The following PUDP variants were observed in gnomAD, a reference collection of about 807,000 sequenced individuals.
The protein encoded by PUDP is pseudouridine-5'-phosphatase.
In PUDP, 8 loss-of-function variants were observed where a neutral mutation model predicts 9.4. The ratio of observed to expected loss-of-function variants is 0.85; its 90% confidence interval spans 0.50 to 1.53. PUDP has a LOEUF of 1.53. PUDP is among the 40% of genes most tolerant of loss of function. PUDP has a pLI of 0.00. For synonymous variants in PUDP, 99 were observed against 80.7 expected (o/e 1.23, Z -1.22); for missense variants, 188 against 189.7 (o/e 0.99, Z 0.05).
chrX:6,782,624 C>A (rs1044512062), intron 3 of PUDP, among the ~76,000 whole-genome samples: 2 of 111,485 alleles, frequency 1.8e-5, no homozygotes, highest in Non-Finnish European at 3.8e-5. Flanking sequence ...TCTGACAATA[C>A]TCTGGGCACA....
chrX:6,925,832 G>A (rs1313762023), intron 3 of PUDP, among the ~76,000 whole-genome samples: 1 of 111,718 alleles, frequency 9.0e-6, no homozygotes, highest in African/African-American at 3.3e-5. Context: ...CCTGGAGTGA[G>A]CAGAAAGGGA....
At chrX:7,012,353 A>T (rs1009390320) in intron 1 of PUDP, among the ~76,000 whole-genome samples, 4 of 112,465 alleles carry the variant, frequency 3.6e-5, no homozygotes, top group African/African-American at 1.3e-4. Context: ...GAAACTAACA[A>T]GCATTTCTCT....
chrX:7,081,797 CAAG>C (rs752034584), intron 2 of PUDP, among the ~76,000 whole-genome samples: 1 of 112,877 alleles, frequency 8.9e-6, no homozygotes, highest in Non-Finnish European at 1.9e-5. Context: ...AATTAATTCA[CAAG>C]AAGAACAATG....
At chrX:7,027,715 TTATATAGACTACATTATAGTCTA>T (rs1164277320) in intron 1 of PUDP, among the ~76,000 whole-genome samples, 2 of 98,627 alleles carry the variant, frequency 2.0e-5, no homozygotes, top group Non-Finnish European at 4.0e-5. Context: ...GTTATTCTAT[TTATATAGACTACATTATAGTCTA>T]TATATAGACT....
At position 7,125,852 on chromosome X, in the gene PUDP, C is replaced by T. The variant is rs148262338; in HGVS notation, c.62-20014G>A. Among the ~76,000 whole-genome samples the T allele has an allele frequency of 9.7e-3, 1,070 of 110,342 alleles. 15 individuals carry two copies. The highest frequency in any genetic ancestry group is 0.033 in the African/African-American group (1,003 of 30,306). On this transcript the variant is annotated intron_variant, in intron 1 of 3. Transcript: ENST00000381077. ...TATCACGAGAACAGCACGGGAAAGA[C>T]CTGCCCCCATGATTCAATTACCTCC...
chrX:7,140,634 C>G (rs1474140078), intron 1 of PUDP, among the ~76,000 whole-genome samples: 1 of 111,327 alleles, frequency 9.0e-6, no homozygotes, highest in Non-Finnish European at 1.9e-5. Flanking sequence ...CAAATAATCT[C>G]TAATATATAG....
rs771780143 is a variant in PUDP at position 7,024,723 on chromosome X, A to T, written c.205-46380T>A. ...TACCTCAGCCTCCCAAGTAACTGGG[A>T]CTACAGGCGCTCGCCACCTCGCCCG... On this transcript the variant is annotated intron_variant and NMD_transcript_variant, in intron 1 of 3. Transcript: ENST00000655425. Among the ~76,000 whole-genome samples, 194 of 94,866 alleles carry T rather than the reference A, an allele frequency of 2.0e-3. 1 individual carries two copies. Among genetic ancestry groups the T allele is most frequent in the African/African-American group, 6.9e-3 (176 of 25,438 alleles). The allele number at this position is 94,866 out of a possible 115,157, so 82.4% of individuals were successfully genotyped here.
At chrX:6,829,469 G>A (rs1926473475) in intron 3 of PUDP, among the ~76,000 whole-genome samples, 1 of 111,624 alleles carries the variant, frequency 9.0e-6, no homozygotes, top group Non-Finnish European at 1.9e-5. Context: ...TTCCAAAGTG[G>A]CTGTTCCATT....
chrX:6,866,979 G>A (rs1927096950), intron 3 of PUDP, among the ~76,000 whole-genome samples: 1 of 111,450 alleles, frequency 9.0e-6, no homozygotes, highest in African/African-American at 3.3e-5. Flanking sequence ...GGGTCAGGTT[G>A]AGAGGATGGG....
At chrX:7,130,903 A>C (rs1485719893) in intron 1 of PUDP, among the ~76,000 whole-genome samples, 1 of 111,691 alleles carries the variant, frequency 9.0e-6, no homozygotes, top group Non-Finnish European at 1.9e-5. Flanking sequence ...AATAATAATA[A>C]AAGTAAAAAC....
At chrX:6,963,426 T>G (rs1189873553) in intron 3 of PUDP, among the ~76,000 whole-genome samples, 1 of 111,295 alleles carries the variant, frequency 9.0e-6, no homozygotes, top group African/African-American at 3.3e-5. Context: ...GAATGCCCTG[T>G]GGGATTGAGC....
At chrX:6,824,105 G>A (rs1037854740) in intron 3 of PUDP, among the ~76,000 whole-genome samples, 1 of 111,406 alleles carries the variant, frequency 9.0e-6, no homozygotes, top group Non-Finnish European at 1.9e-5. Context: ...TTGTGGGAGG[G>A]ACCCATTTGG....
chrX:7,002,992 T>C (rs1929348331), intron 1 of PUDP, among the ~76,000 whole-genome samples: 1 of 110,174 alleles, frequency 9.1e-6, no homozygotes, highest in South Asian at 4.0e-4. Flanking sequence ...GTCCACATAT[T>C]CAGGTAGGGA....
intron 1 of PUDP, among the ~76,000 whole-genome samples, chrX:6,720,574 A>C (rs1239334577): frequency 9.3e-6 from 1 of 107,051 alleles, no homozygotes; most frequent in Non-Finnish European, 1.9e-5. Flanking sequence ...TGGGGATGCA[A>C]TCTACAGCAT....
In PUDP at chrX:6,754,726, T is replaced by C. The variant is rs913546132; in HGVS notation, c.*248-48260A>G. On this transcript the variant is annotated intron_variant and NMD_transcript_variant, in intron 3 of 3. Transcript: ENST00000655425. ...ATGAATTATATATAGTGGATCCTCA[T>C]CATATGAAGATTCTGTATTTACCTG... 6.2e-4 allele frequency among the ~76,000 whole-genome samples: 69 copies of C among 110,429 alleles called. 1 individual carries two copies. The highest frequency in any genetic ancestry group is 6.4e-4 in the Non-Finnish European group (34 of 52,906).
intron 3 of PUDP, among the ~76,000 whole-genome samples, chrX:7,052,379 C>T (rs774712315): frequency 3.9e-4 from 43 of 111,148 alleles, no homozygotes; most frequent in Non-Finnish European, 5.5e-4. Flanking sequence ...CGGCTCATCA[C>T]CAGGTATATA....
At chrX:6,885,502 C>T (rs1033904083) in intron 3 of PUDP, among the ~76,000 whole-genome samples, 6 of 111,930 alleles carry the variant, frequency 5.4e-5, no homozygotes, top group Non-Finnish European at 9.4e-5. Flanking sequence ...GGTTCCTCTC[C>T]TCCTACCCAA....
At chrX:6,737,762 C>T (rs1406733118) in intron 3 of PUDP, among the ~76,000 whole-genome samples, 1 of 111,484 alleles carries the variant, frequency 9.0e-6, no homozygotes, top group Non-Finnish European at 1.9e-5. Context: ...AGCAGCACCA[C>T]CCACCCCATT....
At chrX:7,114,179 A>T (rs1005644360) in intron 1 of PUDP, among the ~76,000 whole-genome samples, 1 of 111,420 alleles carries the variant, frequency 9.0e-6, no homozygotes, top group African/African-American at 3.3e-5. Context: ...GGTTCATGCA[A>T]TTCTCCTGCC....
Sources: gnomAD v4.1 joint callset for allele counts (sites outside exome capture counted in the v4.1 genomes callset) on GRCh38, gnomAD v4.1.1 for gene constraint, MANE v1.5 for transcripts, NCBI Gene and HGNC (gene_info 2026-07-23, HGNC 2026-07-21) for gene names.